VBP1: variants seen among roughly 807,000 people sequenced by gnomAD.
VBP1 encodes the protein VHL binding protein 1, also known as prefoldin subunit 3.
VBP1 carries 4 observed loss-of-function variants against 15.5 expected under a neutral mutation model. The observed-to-expected ratio is 0.26, with a 90% confidence interval of 0.13 to 0.59. The LOEUF is 0.59. VBP1 is among the 20% of genes least tolerant of loss of function. The pLI is 0.90. For synonymous variants in VBP1, 61 were observed against 52.1 expected (o/e 1.17, Z -0.74); for missense variants, 108 against 139.6 (o/e 0.77, Z 1.14).
At chrX:155,238,608 CA>C (rs1396230803) in intron 5 of VBP1, among the ~76,000 whole-genome samples, 163 bp from the exon 6 acceptor site, 1 of 112,361 alleles carries the variant, frequency 8.9e-6, no homozygotes, top group East Asian at 2.8e-4. Context: ...ATTTTCCTAA[CA>C]ATTGACATTA....
intron 2 of VBP1, among the ~76,000 whole-genome samples, chrX:155,223,029 G>T (rs1038392586): frequency 9.3e-6 from 1 of 107,400 alleles, no homozygotes; most frequent in African/African-American, 3.4e-5. Flanking sequence ...CTCCTATGAT[G>T]TCAGCTATGC....
At position 155,228,458 on chromosome X, in the gene VBP1, C is replaced by T. The variant is rs782749497; in HGVS notation, c.360C>T (p.Thr120=). The change falls in exon 4 of 6, where the codon ACC becomes ACT. Residue 120 remains threonine (T), a synonymous_variant. Coordinates refer to ENST00000286428, the MANE Select transcript of VBP1 (RefSeq NM_003372.7). Reference sequence around the variant, plus strand: ...ATTGCAAAGCTTCAGTTCCTCCTACCGATAAAGTGTGTCTGTGGTTGGGGG... The same window carrying T: ...ATTGCAAAGCTTCAGTTCCTCCTACTGATAAAGTGTGTCTGTGGTTGGGGG... ...NLYCKASVPP[T]DKVCLWLGAN... is the part of the protein sequence containing the mutation. 1.2e-5 allele frequency: 15 copies of T among 1,204,707 alleles called. No individual in the cohort carries two copies. Among genetic ancestry groups the T allele is most frequent in the Middle Eastern group, 2.3e-4 (1 of 4,335 alleles).
chrX:155,236,163 C>T, intron 4 of VBP1, 66 bp from the exon 5 acceptor site: 1 of 1,122,087 alleles, frequency 8.9e-7, no homozygotes, highest in African/African-American at 1.8e-5. Context: ...AGTTTGCCCA[C>T]ACTTTACTCT....
intron 1 of VBP1, among the ~76,000 whole-genome samples, chrX:155,198,905 C>A: frequency 9.0e-6 from 1 of 111,717 alleles, no homozygotes; most frequent in Non-Finnish European, 1.9e-5. Context: ...AATACACAGA[C>A]ATGCTTAAAG....
intron 2 of VBP1, among the ~76,000 whole-genome samples, chrX:155,210,240 G>A (rs2074639881): frequency 9.0e-6 from 1 of 110,965 alleles, no homozygotes; most frequent in Non-Finnish European, 1.9e-5. Context: ...CTTGAAGCCA[G>A]GAGTTTGGAC....
intron 4 of VBP1, among the ~76,000 whole-genome samples, chrX:155,231,539 G>C (rs1557310866): frequency 8.9e-6 from 1 of 112,157 alleles, no homozygotes; most frequent in Non-Finnish European, 1.9e-5. Context: ...AATTTTTCTT[G>C]GGTGAATGAC....
At chrX:155,204,200 T>A (rs908828243) in intron 1 of VBP1, among the ~76,000 whole-genome samples, 3 of 111,251 alleles carry the variant, frequency 2.7e-5, no homozygotes, top group Non-Finnish European at 5.7e-5. Context: ...TCACCCAGGC[T>A]GGAGTGAAGT....
intron 1 of VBP1, among the ~76,000 whole-genome samples, chrX:155,198,062 C>T (rs916689010): frequency 3.6e-5 from 4 of 112,488 alleles, no homozygotes; most frequent in African/African-American, 6.4e-5. Flanking sequence ...GGGGGAGGGG[C>T]GCCCGCCATT....
At chrX:155,231,798 A>G (rs2074747931) in intron 4 of VBP1, among the ~76,000 whole-genome samples, 1 of 112,490 alleles carries the variant, frequency 8.9e-6, no homozygotes, top group Non-Finnish European at 1.9e-5. Context: ...TTATTGGCTT[A>G]CTATTCTGTG....
chrX:155,200,445 A>T (rs1469432773), intron 1 of VBP1, among the ~76,000 whole-genome samples: 2 of 111,309 alleles, frequency 1.8e-5, no homozygotes, highest in East Asian at 5.5e-4. Context: ...AGAACTCAGG[A>T]TTAAGAAACT....
At chrX:155,225,095 G>A (rs1451357466) in intron 2 of VBP1, among the ~76,000 whole-genome samples, 2 of 111,715 alleles carry the variant, frequency 1.8e-5, no homozygotes, top group Non-Finnish European at 3.8e-5. Context: ...GTTTCATATG[G>A]TAGAGGTTGT....
At chrX:155,235,509 A>G (rs1226807272) in intron 4 of VBP1, among the ~76,000 whole-genome samples, 1 of 111,077 alleles carries the variant, frequency 9.0e-6, no homozygotes, top group South Asian at 3.8e-4. Flanking sequence ...AAAGCTGTAA[A>G]AGGTGTGGCT....
At chrX:155,228,279 G>C (rs1432583506) in intron 3 of VBP1, 105 bp from the exon 4 acceptor site, 5 of 605,330 alleles carry the variant, frequency 8.3e-6, no homozygotes, top group African/African-American at 2.3e-5. Context: ...CTGCATGATG[G>C]TACTGTTTTA....
intron 1 of VBP1, among the ~76,000 whole-genome samples, chrX:155,207,563 C>G (rs1163570169): frequency 8.9e-6 from 1 of 111,994 alleles, no homozygotes; most frequent in Non-Finnish European, 1.9e-5. Flanking sequence ...AGTGGCATCC[C>G]TGCACACTGA....
chrX:155,222,829 A>G (rs1431404100), intron 2 of VBP1, among the ~76,000 whole-genome samples: 1 of 111,068 alleles, frequency 9.0e-6, no homozygotes, highest in Non-Finnish European at 1.9e-5. Flanking sequence ...CTTGAGTTTT[A>G]CCTATTTTAA....
chrX:155,238,661 A>G, intron 5 of VBP1, 111 bp from the exon 6 acceptor site: 1 of 538,703 alleles, frequency 1.9e-6, no homozygotes, highest in Middle Eastern at 3.6e-4. Context: ...CAGTATTTGT[A>G]TATGTTTCAT....
chrX:155,208,557 A>G (rs2074633694), intron 1 of VBP1, among the ~76,000 whole-genome samples: 1 of 111,920 alleles, frequency 8.9e-6, no homozygotes, highest in African/African-American at 3.3e-5. Flanking sequence ...TGGCCTTGAG[A>G]TGTTGGAGTT....
intron 2 of VBP1, among the ~76,000 whole-genome samples, chrX:155,222,329 G>A (rs1557309673): frequency 9.0e-6 from 1 of 111,239 alleles, no homozygotes; most frequent in African/African-American, 3.3e-5. Context: ...ACAAAAATTA[G>A]CTAGGTGTTG....
intron 2 of VBP1, among the ~76,000 whole-genome samples, chrX:155,224,799 T>C (rs1380367530): frequency 2.7e-5 from 3 of 112,320 alleles, no homozygotes; most frequent in Non-Finnish European, 5.6e-5. Context: ...TTTTCTATCG[T>C]CTGTTAATTT....
Sources: gnomAD v4.1 joint callset for allele counts (sites outside exome capture counted in the v4.1 genomes callset) on GRCh38, gnomAD v4.1.1 for gene constraint, MANE v1.5 for transcripts, NCBI Gene and HGNC (gene_info 2026-07-23, HGNC 2026-07-21) for gene names.